SORCS1: variants seen among roughly 807,000 people sequenced by gnomAD.
The protein encoded by SORCS1 is VPS10 domain-containing receptor SorCS1.
A neutral mutation model predicts 146.1 loss-of-function variants in SORCS1; 60 were observed. The observed-to-expected ratio is 0.41, with a 90% confidence interval of 0.33 to 0.51. SORCS1 has a LOEUF of 0.51. Ranked by LOEUF, SORCS1 falls within the 20% of genes least tolerant of loss-of-function variation. The pLI is 0.21. For synonymous variants in SORCS1, 637 were observed against 584.0 expected, an observed-to-expected ratio of 1.09 and a Z score of -1.31; for missense variants, 1,352 against 1,487.6, an observed-to-expected ratio of 0.91 and a Z score of 1.50.
intron 1 of SORCS1, chr10:106,970,006 A>G (rs1266325859): frequency 6.6e-6 from 1 of 152,316 alleles, no homozygotes; most frequent in Non-Finnish European, 1.5e-5. Context: ...CTGTGACACT[A>G]AGAAAGTCAA....
intron 1 of SORCS1, among the ~76,000 whole-genome samples, chr10:107,119,262 AC>A (rs1966238220): frequency 6.6e-6 from 1 of 152,238 alleles, no homozygotes. Flanking sequence ...ACTAGGATAG[AC>A]ATAGAAACAG....
chr10:107,026,248 A>AT (rs1224934404), intron 1 of SORCS1, among the ~76,000 whole-genome samples: 1 of 152,224 alleles, frequency 6.6e-6, no homozygotes, highest in Non-Finnish European at 1.5e-5. Flanking sequence ...AGAATAAAGC[A>AT]TTTATTAAGA....
At chr10:106,761,446 G>A (rs1403666393) in intron 5 of SORCS1, 142 bp downstream of exon 5, 2 of 674,834 alleles carry the variant, frequency 3.0e-6, no homozygotes, top group Non-Finnish European at 5.3e-6. Context: ...GTCACATCCT[G>A]CCCTGAGGGG....
intron 3 of SORCS1, among the ~76,000 whole-genome samples, chr10:106,823,226 T>C (rs997224644): frequency 5.9e-5 from 9 of 152,138 alleles, no homozygotes; most frequent in Admixed American, 5.9e-4. Flanking sequence ...TGCACCCCCT[T>C]TGATGTATTA....
intron 1 of SORCS1, among the ~76,000 whole-genome samples, chr10:107,006,365 TC>T (rs1267267522): frequency 6.6e-6 from 1 of 152,042 alleles, no homozygotes; most frequent in Non-Finnish European, 1.5e-5. Context: ...GTGTATTAAA[TC>T]AGAGCAACAA....
At chr10:106,806,505 CTTTTTTTT>C (rs1191296212) in intron 3 of SORCS1, among the ~76,000 whole-genome samples, 5 of 70,468 alleles carry the variant, frequency 7.1e-5, no homozygotes, top group Non-Finnish European at 1.1e-4. Flanking sequence ...GAGAGGAAGC[CTTTTTTTT>C]TTTTTTTTTT....
In SORCS1 at chr10:107,136,646, A is replaced by G. The variant is rs573631700; in HGVS notation, c.558+27323T>C. 3.3e-5 allele frequency among the ~76,000 whole-genome samples: 5 copies of G among 152,338 alleles called. No homozygotes were observed. In the East Asian group the frequency reaches 9.6e-4, roughly 29 times the overall value. ...GCAGATGCTGTTTTAACTGCCTCAC[A>G]TATATCATTTGATCTTCATAACCAC... is the stretch of plus-strand genomic sequence containing the variant. On this transcript the variant is annotated intron_variant, in intron 1 of 25. Transcript: ENST00000263054.
chr10:106,962,166 G>A (rs529756540), intron 1 of SORCS1, among the ~76,000 whole-genome samples: 5 of 151,972 alleles, frequency 3.3e-5, no homozygotes, highest in East Asian at 3.9e-4. Flanking sequence ...TTGGGAGGCC[G>A]AGGCAGGAGG....
chr10:106,657,005 AT>A (rs1402523654), intron 17 of SORCS1, among the ~76,000 whole-genome samples: 1 of 152,228 alleles, frequency 6.6e-6, no homozygotes, highest in Non-Finnish European at 1.5e-5. Context: ...AGGAATGTAG[AT>A]TAGTACAAAT....
chr10:106,827,206 CTT>C (rs71025560), intron 3 of SORCS1, among the ~76,000 whole-genome samples: 1 of 135,888 alleles, frequency 7.4e-6, no homozygotes, highest in South Asian at 2.4e-4. Flanking sequence ...TATTTGGCAT[CTT>C]TTTTTTTTTT....
intron 21 of SORCS1, among the ~76,000 whole-genome samples, chr10:106,612,349 C>G (rs1223572503): frequency 3.5e-5 from 5 of 141,724 alleles, no homozygotes; most frequent in South Asian, 2.5e-4. Flanking sequence ...CCCCTTCCCC[C>G]CTTCTCCTTT....
intron 3 of SORCS1, among the ~76,000 whole-genome samples, chr10:106,812,191 G>A (rs909136168): frequency 1.3e-5 from 2 of 152,066 alleles, no homozygotes. Flanking sequence ...TAGTAGAGAC[G>A]TGGTTTCACT....
At chr10:106,893,149 C>T (rs1350264102) in intron 2 of SORCS1, among the ~76,000 whole-genome samples, 2 of 152,052 alleles carry the variant, frequency 1.3e-5, no homozygotes, top group East Asian at 1.9e-4. Flanking sequence ...GTGATCCACC[C>T]GCCTCAGCCT....
At chr10:106,729,264 T>C (rs1056384705) in intron 6 of SORCS1, among the ~76,000 whole-genome samples, 1 of 152,222 alleles carries the variant, frequency 6.6e-6, no homozygotes, top group Non-Finnish European at 1.5e-5. Flanking sequence ...TGCTTCTTCA[T>C]ATGTGAAATG....
intron 3 of SORCS1, among the ~76,000 whole-genome samples, chr10:106,810,206 G>A (rs1947389121): frequency 6.6e-6 from 1 of 152,034 alleles, no homozygotes; most frequent in South Asian, 2.1e-4. Flanking sequence ...GGGTGACACA[G>A]TGAGACTCCG....
At chr10:106,692,629 T>A (rs184122955) in intron 9 of SORCS1, among the ~76,000 whole-genome samples, 1 of 152,214 alleles carries the variant, frequency 6.6e-6, no homozygotes, top group Non-Finnish European at 1.5e-5. Context: ...TACATCTTAA[T>A]AAAGCTGTTT....
At chr10:106,833,418 A>G (rs946786878) in intron 2 of SORCS1, among the ~76,000 whole-genome samples, 94 of 152,336 alleles carry the variant, frequency 6.2e-4, no homozygotes, top group African/African-American at 2.1e-3. Flanking sequence ...TAGAGTGTTG[A>G]CAAGTTTCAT....
intron 25 of SORCS1, 148 bp downstream of exon 25, chr10:106,579,221 C>G (rs765081182): frequency 3.0e-5 from 48 of 1,613,984 alleles, no homozygotes; most frequent in Non-Finnish European, 3.7e-5. Flanking sequence ...CATTCTGCAT[C>G]TGGGCATAAA....
At chr10:106,755,894 T>C (rs1858599274) in intron 5 of SORCS1, among the ~76,000 whole-genome samples, 1 of 152,122 alleles carries the variant, frequency 6.6e-6, no homozygotes, top group Non-Finnish European at 1.5e-5. Flanking sequence ...TTTGGGAGGC[T>C]GAGGCAGGCG....
Sources: gnomAD v4.1 joint callset for allele counts (sites outside exome capture counted in the v4.1 genomes callset) on GRCh38, gnomAD v4.1.1 for gene constraint, MANE v1.5 for transcripts, NCBI Gene and HGNC (gene_info 2026-07-23, HGNC 2026-07-21) for gene names.